ANLN: variants seen among roughly 807,000 people sequenced by gnomAD.
ANLN encodes anillin, actin binding protein, also known as anillin.
In ANLN, 59 loss-of-function variants were observed where a neutral mutation model predicts 135.1. That is an observed-to-expected ratio of 0.44 (90% CI 0.35 to 0.54). ANLN has a LOEUF of 0.54. Among genes scored for constraint, ANLN ranks in the 20% least tolerant of loss-of-function variants. The probability of loss-of-function intolerance (pLI) is 0.00; values close to 1 mark genes in which losing one functional copy is unlikely to be tolerated. For synonymous variants in ANLN, 406 were observed against 456.4 expected (o/e 0.89, Z 1.41); for missense variants, 1,182 against 1,340.0 (o/e 0.88, Z 1.84).
intron 1 of ANLN, chr7:36,390,326 A>G (rs1474151088): frequency 5.9e-6 from 3 of 509,236 alleles, no homozygotes; most frequent in East Asian, 6.5e-5. Flanking sequence ...CGTTTTTACC[A>G]TGTCCCTCTG....
intron 4 of ANLN, among the ~76,000 whole-genome samples, chr7:36,406,820 G>C (rs1044826504): frequency 1.1e-4 from 16 of 152,122 alleles, no homozygotes; most frequent in Non-Finnish European, 2.2e-4. Flanking sequence ...GTCTATAATG[G>C]AATGATAGAG....
rs936191122 is a variant in ANLN, at chr7:36,422,794, A to G, written c.2461A>G (p.Thr821Ala). The change falls in exon 14 of 24, where the codon ACG (threonine) becomes GCG (alanine). Residue 821 changes from threonine (T) to alanine (A), a missense_variant. Physicochemically the swap from Thr to Ala is moderately conservative, Grantham distance 58. Transcript: ENST00000265748. ...LPLKADFVCS[T>A]VQKPDAANYY... ...TCTAAAAGCAGATTTTGTCTGCAGT[A>G]CGGTTCAGAAACCAGGTATGGTGGT... 2 of 1,604,782 alleles carry G rather than the reference A, an allele frequency of 1.2e-6. No individual in the cohort carries two copies. Among genetic ancestry groups the G allele is most frequent in the Non-Finnish European group, 1.7e-6 (2 of 1,177,382 alleles).
chr7:36,439,933 C>T (rs4720204), intron 21 of ANLN, among the ~76,000 whole-genome samples: 148,844 of 152,280 alleles, frequency 0.98, 72,836 homozygotes, highest in East Asian at 1. Flanking sequence ...GTTACTCTTA[C>T]AGGATTTTAA....
rs1188057282 is a variant in ANLN, at chr7:36,406,424, C to T, written c.731C>T (p.Ala244Val). 1 of 1,613,566 alleles carries T rather than the reference C, an allele frequency of 6.2e-7. No individual in the cohort carries two copies. Among genetic ancestry groups the T allele is most frequent in the Non-Finnish European group, 8.5e-7 (1 of 1,179,634 alleles). The stretch of plus-strand genomic sequence containing the variant: ...TCCAAATTTTCCTCTGCAAGTGGAG[C>T]ATCTGCTAGGATCAATAGCAGCAGT... The part of the protein sequence containing the change: ...CLSKFSSASG[A>V]SARINSSSVK... Residue 244 changes from alanine to valine, a missense_variant, in exon 4 of 24, where the codon GCA becomes GTA. Ala to Val is a moderately conservative substitution (Grantham distance 64). Around this residue, in one of 3 missense-constraint regions of ANLN, gnomAD observed 1,022 missense variants for 1,134.0 expected, o/e 0.90. Coordinates refer to ENST00000265748, the MANE Select transcript of ANLN (RefSeq NM_018685.5).
chr7:36,420,598 A>G lies in ANLN; in HGVS notation c.2017A>G (p.Ile673Val), dbSNP rs754315550. 12 of 1,611,088 alleles carry G rather than the reference A, an allele frequency of 7.4e-6. No individual in the cohort carries two copies. The highest frequency in any genetic ancestry group is 1.0e-5 in the Non-Finnish European group (12 of 1,177,312). The change falls in exon 12 of 24, where the codon ATT (isoleucine) becomes GTT (valine). Residue 673 changes from isoleucine to valine, a missense_variant and splice_region_variant. By Grantham distance (29) the Ile-to-Val change is conservative. Around this residue, in one of 3 missense-constraint regions of ANLN, gnomAD observed 1,022 missense variants for 1,134.0 expected, o/e 0.90. Coordinates refer to ENST00000265748, the MANE Select transcript of ANLN (RefSeq NM_018685.5). ...TAGAGTGTAACTTACCTCTTGAAGC[A>G]TTGATGCATATAGATCTCAAAGATT... Reference protein sequence around the residue: ...GSEDRDLLYSIDAYRSQRFKE... With the variant: ...GSEDRDLLYSVDAYRSQRFKE...
chr7:36,406,115 C>G, intron 3 of ANLN, 66 bp from the exon 4 acceptor site: 3 of 1,459,436 alleles, frequency 2.1e-6, no homozygotes, highest in Non-Finnish European at 2.8e-6. Flanking sequence ...ATAGAGTGAT[C>G]CTGGTATTAT....
rs1788872362 is a variant in ANLN, at chr7:36,443,707, A to G, written c.2971-48A>G. Reference sequence around the variant, plus strand: ...ACAGAATCAGCATTTCATTGTTAGGACATTTTCCTCAACTTTCTAAAGCCA... The same window carrying G: ...ACAGAATCAGCATTTCATTGTTAGGGCATTTTCCTCAACTTTCTAAAGCCA... On this transcript the variant is annotated intron_variant, in intron 21 of 23. Coordinates refer to ENST00000265748, the MANE Select transcript of ANLN (RefSeq NM_018685.5). 3.2e-6 allele frequency: 4 copies of G among 1,255,090 alleles called. No individual in the cohort carries two copies. The East Asian group carries it at 9.6e-5, about 30-fold the overall frequency. The allele number at this position is 1,255,090 out of a possible 1,614,324, so 77.7% of individuals were successfully genotyped here. A position where few individuals can be genotyped will look rare whatever the true frequency, so the allele number is the denominator to read the frequency against.
chr7:36,443,348 A>G (rs1005838782), intron 21 of ANLN, among the ~76,000 whole-genome samples: 3 of 152,262 alleles, frequency 2.0e-5, no homozygotes, highest in African/African-American at 4.8e-5. Context: ...AGTCTTGCAT[A>G]TTAAGATAGG....
At chr7:36,390,219 C>T (rs1786376989) in intron 1 of ANLN, 175 bp downstream of exon 1, 30 of 1,006,202 alleles carry the variant, frequency 3.0e-5, no homozygotes, top group Non-Finnish European at 4.3e-5. Flanking sequence ...TTGGTGGGTT[C>T]CTCTGAGATT....
At chr7:36,443,522 G>T (rs557788700) in intron 21 of ANLN, among the ~76,000 whole-genome samples, 132 of 152,184 alleles carry the variant, frequency 8.7e-4, no homozygotes, top group African/African-American at 3.0e-3. Context: ...ATTTAATTTA[G>T]GGTTGATATC....
intron 23 of ANLN, among the ~76,000 whole-genome samples, chr7:36,450,150 A>G (rs1367464095): frequency 6.6e-6 from 1 of 152,228 alleles, no homozygotes; most frequent in African/African-American, 2.4e-5. Flanking sequence ...TGAGGAGTCA[A>G]GCATTATTCA....
At chr7:36,407,570 T>C (rs988976852) in intron 4 of ANLN, 164 bp from the exon 5 acceptor site, 33 of 590,778 alleles carry the variant, frequency 5.6e-5, no homozygotes, top group South Asian at 8.8e-5. Context: ...TGGTTTTTTT[T>C]CCCAAATCTT....
At chr7:36,441,026 A>G (rs1418168837) in intron 21 of ANLN, among the ~76,000 whole-genome samples, 3 of 152,236 alleles carry the variant, frequency 2.0e-5, no homozygotes, top group Admixed American at 2.0e-4. Context: ...ACTTATTAAC[A>G]GTATTTTTTC....
chr7:36,403,951 C>T (rs550007428), intron 3 of ANLN, among the ~76,000 whole-genome samples: 41 of 150,352 alleles, frequency 2.7e-4, no homozygotes, highest in African/African-American at 8.6e-4. Flanking sequence ...ATGAGCCCAC[C>T]GCTCCTTGCC....
chr7:36,390,217 T>G (rs918118313), intron 1 of ANLN, 173 bp downstream of exon 1: 3 of 1,024,190 alleles, frequency 2.9e-6, no homozygotes, highest in Non-Finnish European at 2.8e-6. Context: ...GGTTGGTGGG[T>G]TCCTCTGAGA....
At chr7:36,430,314 T>G (rs1208534464) in intron 20 of ANLN, among the ~76,000 whole-genome samples, 1 of 152,218 alleles carries the variant, frequency 6.6e-6, no homozygotes, top group Non-Finnish European at 1.5e-5. Context: ...GAGTGGAATT[T>G]CTGTTGAGGT....
intron 7 of ANLN, among the ~76,000 whole-genome samples, chr7:36,412,196 C>T (rs1293624339): frequency 1.3e-5 from 2 of 151,356 alleles, no homozygotes; most frequent in Non-Finnish European, 2.9e-5. Context: ...CCTGCCTCGT[C>T]TTCCATATTT....
intron 2 of ANLN, 63 bp from the exon 3 acceptor site, chr7:36,399,016 C>T: frequency 7.4e-7 from 1 of 1,352,772 alleles, no homozygotes; most frequent in African/African-American, 1.5e-5. Context: ...GAGTATCTAC[C>T]CTCAAGTTTT....
chr7:36,423,214 G>T (rs1033064127), intron 14 of ANLN, among the ~76,000 whole-genome samples: 3 of 152,106 alleles, frequency 2.0e-5, no homozygotes, highest in African/African-American at 7.2e-5. Context: ...AGACATAGGT[G>T]AGAAGCAAAT....
Sources: allele counts gnomAD v4.1 joint callset (sites outside exome capture counted in the v4.1 genomes callset), GRCh38; gene constraint gnomAD v4.1.1; regional missense constraint gnomAD v4.1.1; transcripts MANE v1.5; gene names NCBI Gene and HGNC (gene_info 2026-07-23, HGNC 2026-07-21).